CERS3: variants seen among roughly 807,000 people sequenced by gnomAD.
The protein encoded by CERS3 is ceramide synthase 3, also known as LAG1 homolog, ceramide synthase 3.
CERS3 carries 33 observed loss-of-function variants against 50.3 expected under a neutral mutation model. That is an observed-to-expected ratio of 0.66 (90% CI 0.50 to 0.88). The LOEUF is 0.88. Among genes scored for constraint, CERS3 ranks in the 40% least tolerant of loss-of-function variants. The pLI is 0.00. For missense variants in CERS3, 470 were observed against 460.3 expected (o/e 1.02, Z -0.19); for synonymous variants, 176 against 155.2 (o/e 1.13, Z -0.99).
chr15:100,421,514 T>C (rs1296068236), intron 11 of CERS3, among the ~76,000 whole-genome samples: 19 of 151,602 alleles, frequency 1.3e-4, no homozygotes, highest in Non-Finnish European at 4.4e-5. Context: ...CTGCCCAAGG[T>C]AATTTATAGA....
At chr15:100,536,679 A>T (rs1400879039) in intron 1 of CERS3, among the ~76,000 whole-genome samples, 4 of 152,216 alleles carry the variant, frequency 2.6e-5, no homozygotes, top group African/African-American at 9.6e-5. Flanking sequence ...CTCCCCAAAT[A>T]ACCAATCCCG....
At chr15:100,427,447 G>A (rs1257714729) in intron 11 of CERS3, among the ~76,000 whole-genome samples, 1 of 152,148 alleles carries the variant, frequency 6.6e-6, no homozygotes, top group African/African-American at 2.4e-5. Flanking sequence ...ATTACGTGAG[G>A]CTATTCTATA....
chr15:100,427,682 T>C (rs1372530635), intron 11 of CERS3, among the ~76,000 whole-genome samples: 1 of 152,218 alleles, frequency 6.6e-6, no homozygotes, highest in Non-Finnish European at 1.5e-5. Flanking sequence ...GATTGGGAAG[T>C]ACTGTCCCAG....
At chr15:100,514,542 A>G (rs2036439148) in intron 2 of CERS3, among the ~76,000 whole-genome samples, 1 of 152,208 alleles carries the variant, frequency 6.6e-6, no homozygotes, top group African/African-American at 2.4e-5. Flanking sequence ...GTTAATAAAT[A>G]ACACTTCAAT....
chr15:100,500,365 T>C (rs2035960638), intron 3 of CERS3: 1 of 152,228 alleles, frequency 6.6e-6, no homozygotes, highest in Non-Finnish European at 1.5e-5. Context: ...TCCTTCCTGA[T>C]TGTTGTTGGA....
chr15:100,536,310 G>T (rs201379505), intron 1 of CERS3, among the ~76,000 whole-genome samples: 2 of 152,122 alleles, frequency 1.3e-5, no homozygotes, highest in East Asian at 3.8e-4. Flanking sequence ...TTTGAGACAG[G>T]GTTTTGCTCT....
intron 4 of CERS3, among the ~76,000 whole-genome samples, chr15:100,488,660 A>C (rs1400707968): frequency 6.6e-6 from 1 of 152,156 alleles, no homozygotes; most frequent in Non-Finnish European, 1.5e-5. Context: ...TGTTATCTTG[A>C]TATACTATAC....
intron 8 of CERS3, among the ~76,000 whole-genome samples, chr15:100,475,113 A>G (rs995441948): frequency 6.6e-5 from 10 of 152,234 alleles, no homozygotes; most frequent in African/African-American, 2.4e-4. Flanking sequence ...CCTGGAAAAA[A>G]TGACTCAACC....
At chr15:100,409,883 C>T (rs2031344220) in intron 11 of CERS3, among the ~76,000 whole-genome samples, 1 of 152,150 alleles carries the variant, frequency 6.6e-6, no homozygotes. Context: ...GAGGGGTGGA[C>T]CTGGGTGTCA....
intron 11 of CERS3, among the ~76,000 whole-genome samples, chr15:100,414,127 C>A (rs367988707): frequency 1.3e-5 from 2 of 152,098 alleles, no homozygotes; most frequent in African/African-American, 4.8e-5. Flanking sequence ...CAAAACCTGA[C>A]AGAAACACCA....
At chr15:100,414,012 T>A (rs567540386) in intron 11 of CERS3, among the ~76,000 whole-genome samples, 3 of 152,056 alleles carry the variant, frequency 2.0e-5, no homozygotes, top group Non-Finnish European at 2.9e-5. Context: ...TTCTACCAGA[T>A]GTATGAAGAA....
chr15:100,499,492 GTC>G (rs1303399489), intron 3 of CERS3, among the ~76,000 whole-genome samples: 1 of 152,100 alleles, frequency 6.6e-6, no homozygotes, highest in Non-Finnish European at 1.5e-5. Flanking sequence ...TCATCTGTCT[GTC>G]TCTCTCTTCT....
intron 2 of CERS3, among the ~76,000 whole-genome samples, chr15:100,513,004 C>G (rs1403387798): frequency 1.3e-5 from 2 of 152,176 alleles, no homozygotes; most frequent in South Asian, 2.1e-4. Flanking sequence ...TGTTACTAAA[C>G]ATAATTGGGA....
chr15:100,474,694 C>T (rs751374780), intron 8 of CERS3, among the ~76,000 whole-genome samples: 5 of 152,230 alleles, frequency 3.3e-5, no homozygotes, highest in Non-Finnish European at 5.9e-5. Flanking sequence ...TGAGCCTCTG[C>T]GCCCAGCCTC....
At chr15:100,474,418 T>TC (rs1397721773) in intron 8 of CERS3, among the ~76,000 whole-genome samples, 2 of 152,116 alleles carry the variant, frequency 1.3e-5, no homozygotes, top group Non-Finnish European at 2.9e-5. Flanking sequence ...TTTTTCTTTT[T>TC]TTTTTGAGAC....
chr15:100,424,663 T>C (rs2032693373), intron 11 of CERS3, among the ~76,000 whole-genome samples: 1 of 152,220 alleles, frequency 6.6e-6, no homozygotes, highest in South Asian at 2.1e-4. Context: ...TAAGCAGCAA[T>C]GCGTTCAAGA....
intron 11 of CERS3, among the ~76,000 whole-genome samples, chr15:100,413,566 C>T (rs1269897307): frequency 6.9e-6 from 1 of 145,056 alleles, no homozygotes. Context: ...ACTATATGCT[C>T]AATCTTAGTA....
At chr15:100,446,230 G>A (rs375348151) in intron 11 of CERS3, among the ~76,000 whole-genome samples, 5 of 151,798 alleles carry the variant, frequency 3.3e-5, no homozygotes, top group African/African-American at 9.7e-5. Flanking sequence ...TCACAGAAAA[G>A]CTATTTAGAA....
At chr15:100,498,337 A>G (rs2035895052) in intron 3 of CERS3, among the ~76,000 whole-genome samples, 1 of 152,228 alleles carries the variant, frequency 6.6e-6, no homozygotes, top group Admixed American at 6.5e-5. Flanking sequence ...TTAAAAATCT[A>G]TTTTGAAGAA....
Sources: gnomAD v4.1 joint callset for allele counts (sites outside exome capture counted in the v4.1 genomes callset) on GRCh38, gnomAD v4.1.1 for gene constraint, MANE v1.5 for transcripts, NCBI Gene and HGNC (gene_info 2026-07-23, HGNC 2026-07-21) for gene names.